DPEP2: variants seen among roughly 807,000 people sequenced by gnomAD.
The protein encoded by DPEP2 is dipeptidase 2.
A neutral mutation model predicts 51.8 loss-of-function variants in DPEP2; 45 were observed. The ratio of observed to expected loss-of-function variants is 0.87; its 90% confidence interval spans 0.68 to 1.11. The LOEUF (loss-of-function observed/expected upper bound fraction) is 1.11. Among genes scored for constraint, DPEP2 ranks in the 50% most tolerant of loss-of-function variants. The pLI, the probability that DPEP2 is intolerant of heterozygous loss-of-function variation, is 0.00. For synonymous variants in DPEP2, 255 were observed against 262.7 expected (o/e 0.97, Z 0.28); for missense variants, 604 against 631.9 (o/e 0.96, Z 0.47).
In DPEP2 at chr16:67,990,060, C is replaced by T; in HGVS notation, c.981G>A (p.Val327=). Residue 327 remains valine, a synonymous_variant, in exon 8 of 11, where the codon GTG becomes GTA. Coordinates refer to ENST00000393847, the MANE Select transcript of DPEP2 (RefSeq NM_022355.4). ...AGAGGGAGTTACCTGCCACAGTGGA[C>T]ACATTGGCTGATGGGTTGCACTGTA... is the stretch of plus-strand genomic sequence containing the variant. ...GVIQCNPSAN[V]STVADHFDHI... is the part of the protein sequence containing the mutation. 6.2e-7 allele frequency: 1 copy of T among 1,614,168 alleles called. No individual in the cohort carries two copies.
chr16:67,990,237 G>A (rs1241447446), intron 7 of DPEP2, 106 bp from the exon 8 acceptor site: 40 of 1,032,448 alleles, frequency 3.9e-5, no homozygotes, highest in Non-Finnish European at 5.7e-5. Flanking sequence ...CTGACTTCAG[G>A]AGTCAGCAGA....
chr16:67,992,244 C>T (rs772021913), intron 3 of DPEP2, 51 bp from the exon 4 acceptor site: 2 of 1,594,700 alleles, frequency 1.3e-6, no homozygotes, highest in Admixed American at 1.7e-5. Flanking sequence ...TTGGAGGACC[C>T]TGGACTGCTC....
At chr16:67,998,683 T>G (rs1260024490) in intron 1 of DPEP2, among the ~76,000 whole-genome samples, 4 of 152,198 alleles carry the variant, frequency 2.6e-5, no homozygotes, top group Non-Finnish European at 5.9e-5. Context: ...TGCTCCTGAG[T>G]CTGGTGGGGA....
rs1170763654 is a variant in DPEP2 at position 67,991,817 on chromosome 16, C to T, written c.662+21G>A. The T allele has an allele frequency of 6.2e-7, 1 of 1,613,060 alleles. No homozygotes were observed. The highest frequency in any genetic ancestry group is 8.5e-7 in the Non-Finnish European group (1 of 1,179,274). ...CTCTGCCCCTGCCTCAGCGGTCCCACACCATCTGCACTAGGCTCACCAGGG... is the reference window on the plus strand; with the variant it reads ...CTCTGCCCCTGCCTCAGCGGTCCCATACCATCTGCACTAGGCTCACCAGGG... On this transcript the variant is annotated intron_variant, in intron 5 of 10. Coordinates refer to ENST00000393847, the MANE Select transcript of DPEP2 (RefSeq NM_022355.4). This position sits in a 1 kb window ranked among gnomAD's most constrained non-coding sequence, Gnocchi z 5.1.
At chr16:67,994,366 C>T (rs2151386314) in intron 1 of DPEP2, 1 of 985,046 alleles carries the variant, frequency 1.0e-6, no homozygotes, top group South Asian at 4.7e-5. Context: ...GACGACAGGC[C>T]CCACCCCATT....
intron 1 of DPEP2, chr16:67,994,847 A>C: frequency 1.0e-6 from 1 of 985,456 alleles, no homozygotes; most frequent in Non-Finnish European, 1.2e-6. Context: ...AGGCAGATCG[A>C]TGGCCGAGTG....
intron 2 of DPEP2, 49 bp from the exon 3 acceptor site, chr16:67,992,685 T>C (rs1398297862): frequency 6.3e-7 from 1 of 1,591,368 alleles, no homozygotes; most frequent in Admixed American, 1.7e-5. Flanking sequence ...CAGATGGGCC[T>C]CTTAGCCCTC....
At chr16:67,995,690 G>A (rs188590672) in intron 1 of DPEP2, among the ~76,000 whole-genome samples, 2 of 152,318 alleles carry the variant, frequency 1.3e-5, no homozygotes, top group Non-Finnish European at 2.9e-5. Flanking sequence ...TGGGTGGGGC[G>A]CAGTGACTCA....
intron 1 of DPEP2, chr16:67,994,037 C>T (rs964032116): frequency 4.1e-6 from 4 of 985,382 alleles, no homozygotes; most frequent in South Asian, 9.4e-5. Context: ...GGGATGAGAG[C>T]GCAGCAAGCA....
chr16:67,989,926 T>A (rs910198102), intron 8 of DPEP2, 121 bp downstream of exon 8: 26 of 968,326 alleles, frequency 2.7e-5, no homozygotes, highest in Non-Finnish European at 3.8e-5. Flanking sequence ...ATGTGACCAA[T>A]GTGCTGTGTA....
chr16:67,992,385 T>C (rs758302762), intron 3 of DPEP2, 125 bp downstream of exon 3: 31 of 1,477,814 alleles, frequency 2.1e-5, no homozygotes, highest in Non-Finnish European at 2.6e-5. Context: ...ATCCATATCA[T>C]GACACTTTTT....
intron 9 of DPEP2, 94 bp from the exon 10 acceptor site, chr16:67,988,081 G>T: frequency 6.5e-7 from 1 of 1,542,328 alleles, no homozygotes; most frequent in Non-Finnish European, 8.8e-7. Flanking sequence ...GCCCTGGTCA[G>T]GTATGGGAAG....
At chr16:67,992,446 G>T (rs1324491135) in intron 3 of DPEP2, 64 bp downstream of exon 3, 8 of 1,560,318 alleles carry the variant, frequency 5.1e-6, no homozygotes, top group Non-Finnish European at 7.0e-6. Context: ...GATCTCTGGG[G>T]TCCCCACTCT....
chr16:68,000,425 G>T, upstream of DPEP2: 3 of 985,272 alleles, frequency 3.0e-6, no homozygotes, highest in South Asian at 1.4e-4. Flanking sequence ...AGAGCGCAGA[G>T]GTGGGGTGCA....
At chr16:67,992,229 C>A (rs943538732) in intron 3 of DPEP2, 36 bp from the exon 4 acceptor site, 3 of 1,608,808 alleles carry the variant, frequency 1.9e-6, no homozygotes, top group African/African-American at 2.7e-5. Context: ...TGGATGGGGG[C>A]TGCTTTGGAG....
At chr16:67,997,773 C>G (rs571112838) in intron 1 of DPEP2, among the ~76,000 whole-genome samples, 1 of 152,294 alleles carries the variant, frequency 6.6e-6, no homozygotes, top group African/African-American at 2.4e-5. Flanking sequence ...GCAGTGGGAA[C>G]AGGAAGGAGA....
At chr16:67,998,305 G>A (rs532232989) in intron 1 of DPEP2, among the ~76,000 whole-genome samples, 30 of 152,264 alleles carry the variant, frequency 2.0e-4, no homozygotes, top group Non-Finnish European at 3.4e-4. Context: ...GCCCGCACTC[G>A]GAGCGGCCCG....
chr16:67,989,406 G>C lies in DPEP2; in HGVS notation c.995-8C>G. ...TGATGTGGTCGAAGTGATCTGGGGAGGGGGAAGGTGGACAGTCAGCTGCGT... is the reference window on the plus strand; with the variant it reads ...TGATGTGGTCGAAGTGATCTGGGGACGGGGAAGGTGGACAGTCAGCTGCGT... On this transcript the variant is annotated splice_polypyrimidine_tract_variant and splice_region_variant and intron_variant, in intron 8 of 10. Transcript: ENST00000393847. 1.4e-5 allele frequency: 23 copies of C among 1,614,106 alleles called. No individual in the cohort carries two copies. The highest frequency in any genetic ancestry group is 1.9e-5 in the Non-Finnish European group (23 of 1,179,966).
At chr16:67,999,880 C>T (rs1378963866), upstream of DPEP2, 2 of 152,196 alleles carry the variant, frequency 1.3e-5, no homozygotes, top group African/African-American at 2.4e-5. Context: ...GCTCCCTAGC[C>T]TGGGCGACAG....
Sources: allele counts gnomAD v4.1 joint callset (sites outside exome capture counted in the v4.1 genomes callset), GRCh38; gene constraint gnomAD v4.1.1; non-coding constraint Gnocchi (gnomAD v3.1); transcripts MANE v1.5; gene names NCBI Gene and HGNC (gene_info 2026-07-23, HGNC 2026-07-21).